Variants in RBMS3 observed in about 807,000 individuals in gnomAD.
RBMS3 encodes RNA binding motif single stranded interacting protein 3.
In RBMS3, 27 loss-of-function variants were observed where a neutral mutation model predicts 66.8. The observed-to-expected ratio is 0.40, with a 90% CI of 0.30 to 0.56. The LOEUF (loss-of-function observed/expected upper bound fraction) is 0.56. RBMS3 is among the 20% of genes least tolerant of loss of function. The pLI is 0.40. For synonymous variants in RBMS3, 188 were observed against 183.0 expected, an observed-to-expected ratio of 1.03 and a Z score of -0.22; for missense variants, 513 against 549.5, an observed-to-expected ratio of 0.93 and a Z score of 0.66.
intron 2 of RBMS3, among the ~76,000 whole-genome samples, chr3:29,441,776 T>A (rs1389213817): frequency 6.6e-6 from 1 of 152,202 alleles, no homozygotes; most frequent in African/African-American, 2.4e-5. Flanking sequence ...AATTCTAGTA[T>A]GTAGCAAAGA....
At chr3:29,621,639 A>T (rs1235717180) in intron 4 of RBMS3, among the ~76,000 whole-genome samples, 1 of 152,210 alleles carries the variant, frequency 6.6e-6, no homozygotes, top group African/African-American at 2.4e-5. Context: ...CTGACAGCAT[A>T]ATACCAAGTT....
At chr3:29,596,876 A>T (rs984148958) in intron 4 of RBMS3, among the ~76,000 whole-genome samples, 2 of 152,316 alleles carry the variant, frequency 1.3e-5, no homozygotes, top group East Asian at 3.9e-4. Context: ...GTTATATTTT[A>T]ATGGTTTTCA....
chr3:29,347,964 T>G (rs954918039), intron 1 of RBMS3, among the ~76,000 whole-genome samples: 1 of 152,218 alleles, frequency 6.6e-6, no homozygotes, highest in African/African-American at 2.4e-5. Flanking sequence ...GCTAATGAAG[T>G]AAACAACAAA....
intron 12 of RBMS3, among the ~76,000 whole-genome samples, chr3:29,966,966 A>C (rs1696891410): frequency 6.6e-6 from 1 of 152,032 alleles, no homozygotes; most frequent in African/African-American, 2.4e-5. Context: ...TTTTGTTTTT[A>C]GTTCTGTTTA....
intron 4 of RBMS3, among the ~76,000 whole-genome samples, chr3:29,730,558 T>C (rs1452212643): frequency 6.6e-6 from 1 of 152,214 alleles, no homozygotes; most frequent in African/African-American, 2.4e-5. Flanking sequence ...ATAGTAAACC[T>C]ATGGCTGTCT....
Position 29,598,094 on chromosome 3 carries a change from A to G in RBMS3, c.399+10889A>G, listed in dbSNP as rs577812526. On this transcript the variant is annotated intron_variant, in intron 4 of 14. Coordinates refer to ENST00000383767, the MANE Select transcript of RBMS3 (RefSeq NM_001003793.3). The stretch of plus-strand genomic sequence containing the variant: ...AGAATGACATATTACTTGTGGACGA[A>G]CACTTACCAGTGTATTGTTAGATAT... Among the ~76,000 whole-genome samples, 7 of 152,264 alleles carry G rather than the reference A, an allele frequency of 4.6e-5. No individual in the cohort carries two copies. The South Asian group carries it at 1.2e-3, about 27-fold the overall frequency.
chr3:29,657,739 A>G (rs1291450909), intron 4 of RBMS3, among the ~76,000 whole-genome samples: 2 of 152,214 alleles, frequency 1.3e-5, no homozygotes, highest in Non-Finnish European at 2.9e-5. Flanking sequence ...TAATCAACAC[A>G]CACAAAGCAA....
chr3:29,650,279 C>CTTTTTT (rs560594950), intron 4 of RBMS3, among the ~76,000 whole-genome samples: 6 of 96,230 alleles, frequency 6.2e-5, no homozygotes, highest in Non-Finnish European at 8.1e-5. Flanking sequence ...TCCTTTCTTT[C>CTTTTTT]TTTTTTTTTT....
At chr3:29,858,813 A>G (rs775459601) in intron 6 of RBMS3, among the ~76,000 whole-genome samples, 82 of 152,208 alleles carry the variant, frequency 5.4e-4, no homozygotes, top group Non-Finnish European at 9.8e-4. Flanking sequence ...CAATTTTTTT[A>G]AATGATGGTG....
intron 4 of RBMS3, among the ~76,000 whole-genome samples, chr3:29,732,952 C>T (rs1025483211): frequency 6.6e-6 from 1 of 152,020 alleles, no homozygotes; most frequent in Non-Finnish European, 1.5e-5. Context: ...CACTTACTAA[C>T]TTAAAATATA....
chr3:29,614,886 T>C (rs1022847397), intron 4 of RBMS3: 9 of 152,208 alleles, frequency 5.9e-5, no homozygotes, highest in African/African-American at 1.9e-4. Context: ...TACGTAACTG[T>C]TTACTCTATA....
rs867882707 is a variant in RBMS3 at position 29,434,750 on chromosome 3, A to G, written c.83A>G (p.Tyr28Cys). 15 of 1,612,994 alleles carry G rather than the reference A, an allele frequency of 9.3e-6. No individual in the cohort carries two copies. Among genetic ancestry groups the G allele is most frequent in the Non-Finnish European group, 1.2e-5 (14 of 1,179,582 alleles). ...YPHYLQTKQS[Y>C]APAPHPMAPP... is the part of the protein sequence containing the mutation. ...AGCTTTTTCTGTTTCCAGCAGTCCT[A>G]TGCACCAGCTCCCCACCCCATGGCT... The change falls in exon 2 of 15, where the codon TAT (tyrosine) becomes TGT (cysteine). Residue 28 changes from tyrosine to cysteine, a missense_variant. Physicochemically the swap from Tyr to Cys is radical, Grantham distance 194 (BLOSUM62 -2). Coordinates refer to ENST00000383767, the MANE Select transcript of RBMS3 (RefSeq NM_001003793.3).
At chr3:29,712,306 T>G (rs536861711) in intron 4 of RBMS3, among the ~76,000 whole-genome samples, 1 of 152,110 alleles carries the variant, frequency 6.6e-6, no homozygotes, top group Admixed American at 6.6e-5. Context: ...TTTTGTTAAT[T>G]TTTATTTATT....
intron 4 of RBMS3, among the ~76,000 whole-genome samples, chr3:29,702,195 C>G (rs1384661008): frequency 1.3e-5 from 2 of 151,782 alleles, no homozygotes; most frequent in Non-Finnish European, 2.9e-5. Flanking sequence ...ACCTTTATGT[C>G]TAGCTAAAGG....
chr3:29,675,751 T>G (rs1274947800), intron 4 of RBMS3, among the ~76,000 whole-genome samples: 1 of 152,212 alleles, frequency 6.6e-6, no homozygotes, highest in Admixed American at 6.5e-5. Context: ...CCAGTTAGAA[T>G]GACAATCATT....
intron 5 of RBMS3, among the ~76,000 whole-genome samples, chr3:29,755,871 G>T (rs915905363): frequency 6.6e-6 from 1 of 152,178 alleles, no homozygotes; most frequent in African/African-American, 2.4e-5. Flanking sequence ...CTTCCTTGGG[G>T]CATAGAGCAG....
intron 2 of RBMS3, among the ~76,000 whole-genome samples, chr3:29,473,456 C>A (rs1316226922): frequency 6.6e-6 from 1 of 152,258 alleles, no homozygotes; most frequent in African/African-American, 2.4e-5. Context: ...GTGGATCCCG[C>A]ACGGAGGCCG....
intron 6 of RBMS3, among the ~76,000 whole-genome samples, chr3:29,798,195 G>A (rs1432218856): frequency 2.7e-5 from 4 of 148,588 alleles, no homozygotes; most frequent in Non-Finnish European, 4.4e-5. Context: ...TAATAATAAA[G>A]CTTGAAATAT....
intron 4 of RBMS3, among the ~76,000 whole-genome samples, chr3:29,715,167 C>G (rs2053338506): frequency 6.6e-6 from 1 of 152,056 alleles, no homozygotes; most frequent in South Asian, 2.1e-4. Context: ...ATAATTTCCT[C>G]CAGTCAGGCA....
Sources: gnomAD v4.1 joint callset for allele counts (sites outside exome capture counted in the v4.1 genomes callset) on GRCh38, gnomAD v4.1.1 for gene constraint, MANE v1.5 for transcripts, NCBI Gene and HGNC (gene_info 2026-07-23, HGNC 2026-07-21) for gene names.